The following TBC1D20 variants were observed in gnomAD, a reference collection of about 807,000 sequenced individuals.
TBC1D20 encodes the protein chromosome 20 open reading frame 140.
A neutral mutation model predicts 41.6 loss-of-function variants in TBC1D20; 12 were observed. The observed-to-expected ratio is 0.29, with a 90% confidence interval of 0.18 to 0.47. The LOEUF (loss-of-function observed/expected upper bound fraction) is 0.47. TBC1D20 is among the 20% of genes least tolerant of loss of function. The pLI is 1.00. For missense variants in TBC1D20, 421 were observed against 517.4 expected (o/e 0.81, Z 1.81); for synonymous variants, 205 against 204.8 (o/e 1.00, Z -0.01).
rs1260741120 is a variant in TBC1D20 at position 438,792 on chromosome 20, T to A, written c.1006A>T (p.Arg336Trp). The A allele has an allele frequency of 6.2e-7, 1 of 1,614,076 alleles. No homozygotes were observed. The highest frequency in any genetic ancestry group is 1.3e-5 in the African/African-American group (1 of 74,920). ...CGCTGCCGCAGCACCATATCAGGCCTCTGCTGGGCTGATGCCAGCTCAAAG... is the reference window on the plus strand; with the variant it reads ...CGCTGCCGCAGCACCATATCAGGCCACTGCTGGGCTGATGCCAGCTCAAAG... ...KDFELASAQQ[R>W]PDMVLRQRFR... Residue 336 changes from arginine (R) to tryptophan (W), a missense_variant, in exon 8 of 8, where the codon AGG (arginine) becomes TGG (tryptophan). By Grantham distance (101) the Arg-to-Trp change is moderately radical. Coordinates refer to ENST00000354200, the MANE Select transcript of TBC1D20 (RefSeq NM_144628.4).
rs1298034024 is a variant in TBC1D20 at position 437,973 on chromosome 20, G to A, written c.*613C>T. ...AATGAGCTTCCTTCCCACTTGACTGGAAACGCCCATGTGATTTCTAGGCTG... is the reference window on the plus strand; with the variant it reads ...AATGAGCTTCCTTCCCACTTGACTGAAAACGCCCATGTGATTTCTAGGCTG... On this transcript the variant is annotated 3_prime_UTR_variant, in exon 8 of 8. Coordinates refer to ENST00000354200, the MANE Select transcript of TBC1D20 (RefSeq NM_144628.4). 1 of 153,116 alleles carries A rather than the reference G, an allele frequency of 6.5e-6. No homozygotes were observed. The highest frequency in any genetic ancestry group is 1.5e-5 in the Non-Finnish European group (1 of 68,154). The allele number at this position is 153,116 out of a possible 1,614,324, so 9.5% of individuals were successfully genotyped here. A position where few individuals can be genotyped will look rare whatever the true frequency, so the allele number is the denominator to read the frequency against.
intron 1 of TBC1D20, among the ~76,000 whole-genome samples, chr20:451,123 G>C (rs2017434350): frequency 6.6e-6 from 1 of 152,212 alleles, no homozygotes; most frequent in Non-Finnish European, 1.5e-5. Flanking sequence ...AGCTCAAAGA[G>C]ACTGCAGTGG....
chr20:438,413 G>C lies in TBC1D20; in HGVS notation c.*173C>G, dbSNP rs567666344. 19 of 713,832 alleles carry C rather than the reference G, an allele frequency of 2.7e-5. No individual in the cohort carries two copies. The African/African-American group carries it at 3.4e-4, about 13-fold the overall frequency. The allele number at this position is 713,832 out of a possible 1,614,324, so 44.2% of individuals were successfully genotyped here. A position where few individuals can be genotyped will look rare whatever the true frequency, so the allele number is the denominator to read the frequency against. On this transcript the variant is annotated 3_prime_UTR_variant, in exon 8 of 8. Transcript: ENST00000354200. ...CCCCAGGTCCCCTCTGTGTCAGGTA[G>C]GCTCTGCTACTGGCCTCTGAAGTAA...
Position 447,958 on chromosome 20 carries a change from C to T in TBC1D20, c.187G>A (p.Asp63Asn), listed in dbSNP as rs1415311419. The change falls in exon 2 of 8, where the codon GAT becomes AAT. Residue 63 changes from aspartate to asparagine, a missense_variant. By Grantham distance (23) the Asp-to-Asn change is conservative. Coordinates refer to ENST00000354200, the MANE Select transcript of TBC1D20 (RefSeq NM_144628.4). The stretch of plus-strand genomic sequence containing the variant: ...GGCCACACTTTTCGTCTGATCTCAT[C>T]AGTCAGGAGCCCTCCTTCACTGATA... ...MAISEGGLLT[D>N]EIRRKVWPKL... 1 of 1,614,156 alleles carries T rather than the reference C, an allele frequency of 6.2e-7. No individual in the cohort carries two copies. Among genetic ancestry groups the T allele is most frequent in the East Asian group, 2.2e-5 (1 of 44,886 alleles).
In TBC1D20 at chr20:441,811, G is replaced by A. The variant is rs375621473; in HGVS notation, c.524+46C>T. ...CAGGCCAGTGAGTTATCCCCAGGAC[G>A]GCTGAGGAGTGATGCCCGTCGTCTT... On this transcript the variant is annotated intron_variant, in intron 4 of 7. Coordinates refer to ENST00000354200, the MANE Select transcript of TBC1D20 (RefSeq NM_144628.4). 7.3e-5 allele frequency: 117 copies of A among 1,596,698 alleles called. 1 individual carries two copies. Among genetic ancestry groups the A allele is most frequent in the South Asian group, 3.4e-4 (31 of 90,340 alleles).
At position 462,519 on chromosome 20, in the gene TBC1D20, C is replaced by T. The variant is rs1600348488; in HGVS notation, c.-114G>A. 5.7e-6 allele frequency: 3 copies of T among 528,992 alleles called. No individual in the cohort carries two copies. Among genetic ancestry groups the T allele is most frequent in the Non-Finnish European group, 7.7e-6 (3 of 388,618 alleles). 32.8% of individuals were successfully genotyped at this position (528,992 alleles called of 1,614,324 possible). On this transcript the variant is annotated 5_prime_UTR_variant, in exon 1 of 8. Coordinates refer to ENST00000354200, the MANE Select transcript of TBC1D20 (RefSeq NM_144628.4). ...TCGGCATCGGCAGGCTCCCCTCCGTCGGCCAGCGGCGCGCAGGCGCGCAGG... is the reference window on the plus strand; with the variant it reads ...TCGGCATCGGCAGGCTCCCCTCCGTTGGCCAGCGGCGCGCAGGCGCGCAGG...
rs2017119124 is a variant in TBC1D20 at position 436,424 on chromosome 20, A to G, written c.*2162T>C. The G allele has an allele frequency of 6.6e-6, 1 of 152,654 alleles. No individual in the cohort carries two copies. Among genetic ancestry groups the G allele is most frequent in the Non-Finnish European group, 1.5e-5 (1 of 68,056 alleles). 9.5% of individuals were successfully genotyped at this position (152,654 alleles called of 1,614,324 possible). ...TGACAGGGAGAATCCTGGTGTCAGCAAAGTTAGAAAACAGATAAACATTCT... is the reference window on the plus strand; with the variant it reads ...TGACAGGGAGAATCCTGGTGTCAGCGAAGTTAGAAAACAGATAAACATTCT... On this transcript the variant is annotated 3_prime_UTR_variant, in exon 8 of 8. Coordinates refer to ENST00000354200, the MANE Select transcript of TBC1D20 (RefSeq NM_144628.4).
At chr20:447,765 A>G (rs1045432926) in intron 2 of TBC1D20, 124 bp downstream of exon 2, 62 of 766,012 alleles carry the variant, frequency 8.1e-5, no homozygotes, top group Non-Finnish European at 1.1e-4. Context: ...AGCATTTCCC[A>G]AAACACCCTA....
intron 1 of TBC1D20, among the ~76,000 whole-genome samples, chr20:461,470 C>T (rs1268971398): frequency 6.6e-6 from 1 of 152,212 alleles, no homozygotes; most frequent in East Asian, 1.9e-4. Context: ...AGCGATCCTC[C>T]TGCCTCAGCC....
chr20:450,215 C>T (rs996187099), intron 1 of TBC1D20, among the ~76,000 whole-genome samples: 2 of 150,806 alleles, frequency 1.3e-5, no homozygotes, highest in Non-Finnish European at 2.9e-5. Context: ...ATGGCGCGAT[C>T]TCAGCTCACT....
intron 7 of TBC1D20, 117 bp from the exon 8 acceptor site, chr20:438,958 A>G: frequency 6.8e-7 from 1 of 1,479,748 alleles, no homozygotes; most frequent in Non-Finnish European, 9.1e-7. Context: ...CTTTATGATA[A>G]AGACCCATAT....
chr20:447,921 T>C lies in TBC1D20; in HGVS notation c.224A>G (p.Asn75Ser), dbSNP rs776881777. The change falls in exon 2 of 8, where the codon AAT becomes AGT. Residue 75 changes from asparagine (N) to serine (S), a missense_variant. This residue lies in a region of TBC1D20 where 150 missense variants were observed against 151.3 expected (regional missense o/e 0.99). Coordinates refer to ENST00000354200, the MANE Select transcript of TBC1D20 (RefSeq NM_144628.4). ...AGGAGGTGGGTCATTGGCATTGACA[T>C]TGAGGAGCTTGGGCCACACTTTTCG... ...IRRKVWPKLL[N>S]VNANDPPPIS... is the part of the protein sequence containing the mutation. 3.1e-6 allele frequency: 5 copies of C among 1,613,736 alleles called. No individual in the cohort carries two copies. Among genetic ancestry groups the C allele is most frequent in the Admixed American group, 1.7e-5 (1 of 60,014 alleles).
chr20:457,100 C>T (rs998595503), intron 1 of TBC1D20, among the ~76,000 whole-genome samples: 17 of 151,736 alleles, frequency 1.1e-4, no homozygotes, highest in Non-Finnish European at 2.4e-4. Flanking sequence ...CCATGCCTGG[C>T]TAATTTTGTA....
chr20:440,133 TG>T, intron 6 of TBC1D20, 114 bp downstream of exon 6: 1 of 1,362,878 alleles, frequency 7.3e-7, no homozygotes, highest in Non-Finnish European at 1.0e-6. Context: ...GACACCAGCC[TG>T]GGAAGTGCTG....
intron 7 of TBC1D20, 62 bp from the exon 8 acceptor site, chr20:438,903 A>C (rs2122379909): frequency 6.3e-7 from 1 of 1,590,664 alleles, no homozygotes. Context: ...AAGCAAAACT[A>C]CACCACATAG....
At chr20:452,570 T>C (rs1272747416) in intron 1 of TBC1D20, among the ~76,000 whole-genome samples, 4 of 152,276 alleles carry the variant, frequency 2.6e-5, no homozygotes, top group East Asian at 1.9e-4. Flanking sequence ...TGAGCTATGA[T>C]AGCACCACTG....
chr20:442,517 A>G (rs1485027218), intron 3 of TBC1D20, among the ~76,000 whole-genome samples: 2 of 152,272 alleles, frequency 1.3e-5, no homozygotes, highest in African/African-American at 4.8e-5. Flanking sequence ...ATATAGGACA[A>G]CAGCATGAGA....
intron 1 of TBC1D20, among the ~76,000 whole-genome samples, chr20:448,841 CTT>C (rs1157490937): frequency 5.7e-4 from 73 of 127,142 alleles, no homozygotes; most frequent in Non-Finnish European, 4.8e-4. Context: ...ATTACACGTA[CTT>C]TTTTTTTTTT....
intron 1 of TBC1D20, 54 bp downstream of exon 1, chr20:462,282 G>GC (rs1019481933): frequency 3.3e-5 from 39 of 1,197,750 alleles, no homozygotes; most frequent in South Asian, 5.4e-5. Flanking sequence ...AGCTGCCCCT[G>GC]CCCCCCGGGC....
Sources: gnomAD v4.1 joint callset for allele counts (sites outside exome capture counted in the v4.1 genomes callset) on GRCh38, gnomAD v4.1.1 for gene constraint, gnomAD v4.1.1 regional missense constraint, MANE v1.5 for transcripts, NCBI Gene and HGNC (gene_info 2026-07-23, HGNC 2026-07-21) for gene names.